Variants in MAPT observed in about 807,000 individuals in gnomAD.
MAPT encodes microtubule associated protein tau.
Under a neutral mutation model 67.9 loss-of-function variants are expected in MAPT, and 34 were observed. The observed-to-expected ratio is 0.50, with a 90% CI of 0.38 to 0.67. The LOEUF is 0.67. Among genes scored for constraint, MAPT ranks in the 30% least tolerant of loss-of-function variants. The pLI, the probability that MAPT is intolerant of heterozygous loss-of-function variation, is 0.00. For missense variants in MAPT, 881 were observed against 1,115.2 expected (o/e 0.79, Z 2.99); for synonymous variants, 456 against 464.5 (o/e 0.98, Z 0.23).
At chr17:45,924,014 G>A (rs147035337) in intron 1 of MAPT, among the ~76,000 whole-genome samples, 11 of 152,300 alleles carry the variant, frequency 7.2e-5, no homozygotes, top group African/African-American at 2.2e-4. Flanking sequence ...GTAAGTGTTC[G>A]ATTTAAAATG....
At chr17:45,933,652 A>G (rs17564871) in intron 1 of MAPT, among the ~76,000 whole-genome samples, 21,800 of 151,982 alleles carry the variant, frequency 0.14, 2,131 homozygotes, top group Middle Eastern at 0.22. Flanking sequence ...TGGTGGTGCT[A>G]AAGAATATCT....
Position 45,952,650 on chromosome 17 carries a change from G to A in MAPT, c.-17-9671G>A, listed in dbSNP as rs560623961. Among the ~76,000 whole-genome samples, 5 of 152,220 alleles carry A rather than the reference G, an allele frequency of 3.3e-5. No individual in the cohort carries two copies. The East Asian group carries it at 9.7e-4, about 29-fold the overall frequency. On this transcript the variant is annotated intron_variant, in intron 1 of 12. Coordinates refer to ENST00000262410, the MANE Select transcript of MAPT (RefSeq NM_001377265.1). The stretch of plus-strand genomic sequence containing the variant: ...AAATACAAAAAATTAGCCAGGCATG[G>A]TGGTGCATACCTGTGGTCCCAGCTT...
At chr17:45,975,447 G>C (rs1429758229) in intron 3 of MAPT, 1 of 152,262 alleles carries the variant, frequency 6.6e-6, no homozygotes, top group Non-Finnish European at 1.5e-5. Context: ...CTTGATCCGT[G>C]AAGTCCCCTG....
At chr17:45,958,855 GA>G (rs2070046493) in intron 1 of MAPT, among the ~76,000 whole-genome samples, 1 of 152,110 alleles carries the variant, frequency 6.6e-6, no homozygotes, top group African/African-American at 2.4e-5. Context: ...TTGAGATCAG[GA>G]GTTCTAGACC....
chr17:45,939,822 T>C (rs1415774630), intron 1 of MAPT, among the ~76,000 whole-genome samples: 4 of 152,192 alleles, frequency 2.6e-5, no homozygotes, highest in African/African-American at 7.2e-5. Context: ...ATTTCATATA[T>C]GACCTGCACT....
At chr17:45,967,535 G>A (rs184093585) in intron 2 of MAPT, among the ~76,000 whole-genome samples, 87 of 152,334 alleles carry the variant, frequency 5.7e-4, no homozygotes, top group Non-Finnish European at 1.2e-3. Context: ...TGTTCATGCT[G>A]GAAGCTTGTT....
At chr17:45,976,807 C>G (rs1014391352) in intron 3 of MAPT, 1 of 152,368 alleles carries the variant, frequency 6.6e-6, no homozygotes, top group Non-Finnish European at 1.5e-5. Flanking sequence ...GCCTGGCTAT[C>G]GCAGCTCTGC....
At chr17:45,986,833 C>T (rs112707109) in intron 5 of MAPT, among the ~76,000 whole-genome samples, 142 of 152,288 alleles carry the variant, frequency 9.3e-4, no homozygotes, top group African/African-American at 3.2e-3. Flanking sequence ...TGCCAGGTTG[C>T]GCTAATCAGT....
At chr17:45,948,782 T>C (rs147374965) in intron 1 of MAPT, among the ~76,000 whole-genome samples, 2 of 152,308 alleles carry the variant, frequency 1.3e-5, no homozygotes, top group South Asian at 2.1e-4. Flanking sequence ...TCAAACATGG[T>C]TCCTATCATG....
At chr17:46,023,531 T>A (rs1460167342) in intron 12 of MAPT, among the ~76,000 whole-genome samples, 2 of 152,138 alleles carry the variant, frequency 1.3e-5, no homozygotes, top group East Asian at 3.9e-4. Context: ...TATTACCAAT[T>A]GGAAGACAAT....
chr17:45,971,868 T>C lies in MAPT; in HGVS notation c.143T>C (p.Leu48Pro). The C allele has an allele frequency of 1.9e-6, 3 of 1,613,310 alleles. No individual in the cohort carries two copies. Among genetic ancestry groups the C allele is most frequent in the Non-Finnish European group, 8.5e-7 (1 of 1,179,256 alleles). ...DTDAGLKESP[L>P]QTPTEDGSEE... ...ACTGTATGTGTTCCAGAATCTCCCCTGCAGACCCCCACTGAGGACGGATCT... is the reference window on the plus strand; with the variant it reads ...ACTGTATGTGTTCCAGAATCTCCCCCGCAGACCCCCACTGAGGACGGATCT... Residue 48 changes from leucine (L) to proline (P), a missense_variant, in exon 3 of 13, where the codon CTG becomes CCG. Around this residue, in one of 6 missense-constraint regions of MAPT, gnomAD observed 687 missense variants for 766.1 expected, o/e 0.90. Coordinates refer to ENST00000262410, the MANE Select transcript of MAPT (RefSeq NM_001377265.1). The surrounding 1 kb of genome is among the most constrained non-coding windows in gnomAD (Gnocchi z 4.3).
intron 1 of MAPT, among the ~76,000 whole-genome samples, chr17:45,959,973 T>A (rs952535343): frequency 6.6e-6 from 1 of 152,258 alleles, no homozygotes; most frequent in Non-Finnish European, 1.5e-5. Context: ...GACCAACAAA[T>A]GCTCATGCTA....
In MAPT at chr17:45,996,378, A is replaced by G; in HGVS notation, c.1733-21A>G. 1 of 1,608,840 alleles carries G rather than the reference A, an allele frequency of 6.2e-7. No homozygotes were observed. Among genetic ancestry groups the G allele is most frequent in the Admixed American group, 1.7e-5 (1 of 59,964 alleles). ...CCCCACCCACTCGAGTCCTGGCTTC[A>G]CTCCCTTCCTTCCTTCCCAGGTGAA... is the stretch of plus-strand genomic sequence containing the variant. On this transcript the variant is annotated intron_variant, in intron 8 of 12. Transcript: ENST00000262410. The surrounding 1 kb of genome is among the most constrained non-coding windows in gnomAD (Gnocchi z 4.5).
At chr17:45,928,421 A>G (rs1421463011) in intron 1 of MAPT, among the ~76,000 whole-genome samples, 1 of 152,082 alleles carries the variant, frequency 6.6e-6, no homozygotes, top group Non-Finnish European at 1.5e-5. Flanking sequence ...TGTCCCATCT[A>G]CACTCCTATG....
chr17:45,974,511 C>T (rs1256454703), intron 3 of MAPT: 2 of 1,506,700 alleles, frequency 1.3e-6, no homozygotes, highest in African/African-American at 1.4e-5. Flanking sequence ...AGTCAAGGCC[C>T]TGCTGGGTGC....
At chr17:45,981,180 C>A (rs1197948917) in intron 4 of MAPT, among the ~76,000 whole-genome samples, 1 of 152,178 alleles carries the variant, frequency 6.6e-6, no homozygotes, top group African/African-American at 2.4e-5. Flanking sequence ...TCCTCCCCGA[C>A]CTCATCCAAA....
intron 9 of MAPT, among the ~76,000 whole-genome samples, chr17:45,998,926 T>C (rs891148647): frequency 1.3e-5 from 2 of 151,876 alleles, no homozygotes; most frequent in Non-Finnish European, 2.9e-5. Flanking sequence ...TTTCTCCCAT[T>C]GCCCACCCAT....
intron 1 of MAPT, among the ~76,000 whole-genome samples, chr17:45,940,587 TGGA>T (rs2067764770): frequency 6.6e-6 from 1 of 152,102 alleles, no homozygotes; most frequent in Non-Finnish European, 1.5e-5. Flanking sequence ...AAGGAATAGT[TGGA>T]GGAGTTGGGC....
At position 45,906,911 on chromosome 17, in the gene MAPT, G is replaced by A. The variant is rs1384565763; in HGVS notation, c.-18+12225G>A. ...TGTTTCCAGTCACACTCTCACCAGC[G>A]ATAAAATGATTTTAGACCTTATCAT... On this transcript the variant is annotated intron_variant, in intron 1 of 12. Coordinates refer to ENST00000262410, the MANE Select transcript of MAPT (RefSeq NM_001377265.1). The surrounding 1 kb of genome is among the most constrained non-coding windows in gnomAD (Gnocchi z 4.3). 6.6e-6 allele frequency among the ~76,000 whole-genome samples: 1 copy of A among 152,102 alleles called. No homozygotes were observed. Among genetic ancestry groups the A allele is most frequent in the African/African-American group, 2.4e-5 (1 of 41,398 alleles).
Sources: gnomAD v4.1 joint callset for allele counts (sites outside exome capture counted in the v4.1 genomes callset) on GRCh38, gnomAD v4.1.1 for gene constraint, gnomAD v4.1.1 regional missense constraint, Gnocchi (gnomAD v3.1) non-coding constraint, MANE v1.5 for transcripts, NCBI Gene and HGNC (gene_info 2026-07-23, HGNC 2026-07-21) for gene names.